Variants in SULT1E1 observed in about 807,000 individuals in gnomAD.
SULT1E1 encodes sulfotransferase family 1E member 1, also known as sulfotransferase 1E1.
SULT1E1 carries 36 observed loss-of-function variants against 33.6 expected under a neutral mutation model. The ratio of observed to expected loss-of-function variants is 1.07; its 90% CI spans 0.82 to 1.41. The LOEUF (loss-of-function observed/expected upper bound fraction) is 1.41, where lower values mean the gene tolerates loss of function less well. SULT1E1 is among the 40% of genes most tolerant of loss of function. SULT1E1 has a pLI of 0.00. For missense variants in SULT1E1, 371 were observed against 345.7 expected (o/e 1.07, Z -0.58); for synonymous variants, 121 against 111.7 (o/e 1.08, Z -0.53).
chr4:69,847,890 A>G (rs1721014636), intron 5 of SULT1E1, 98 bp from the exon 6 acceptor site: 3 of 651,476 alleles, frequency 4.6e-6, no homozygotes, highest in African/African-American at 3.8e-5. Context: ...AAATATAAAT[A>G]GATAATCATG....
chr4:69,847,215 A>T (rs1346405946), intron 6 of SULT1E1, among the ~76,000 whole-genome samples: 1 of 149,626 alleles, frequency 6.7e-6, no homozygotes, highest in Non-Finnish European at 1.5e-5. Flanking sequence ...GTATTTGGCT[A>T]TTTTTTTTCA....
chr4:69,858,433 A>G (rs1462006633), intron 1 of SULT1E1, among the ~76,000 whole-genome samples: 1 of 152,134 alleles, frequency 6.6e-6, no homozygotes, highest in African/African-American at 2.4e-5. Context: ...TTAATTAGGC[A>G]TACTTTCTTT....
chr4:69,849,622 A>C, intron 4 of SULT1E1, 59 bp from the exon 5 acceptor site: 1 of 1,464,300 alleles, frequency 6.8e-7, no homozygotes, highest in South Asian at 1.4e-5. Flanking sequence ...AGTCTCATCA[A>C]GATTTTTTTA....
the SULT1E1 span, among the ~76,000 whole-genome samples, chr4:69,822,660 G>T: frequency 6.6e-6 from 1 of 152,132 alleles, no homozygotes; most frequent in Non-Finnish European, 1.5e-5. Flanking sequence ...TTACTACTTT[G>T]TTATGGTGTT....
At chr4:69,842,918 G>A (rs11573798) in intron 7 of SULT1E1, among the ~76,000 whole-genome samples, 2 of 150,920 alleles carry the variant, frequency 1.3e-5, no homozygotes, top group Admixed American at 1.3e-4. Flanking sequence ...CTCACTGCAA[G>A]CTCCACCTCC....
intron 4 of SULT1E1, among the ~76,000 whole-genome samples, chr4:69,853,147 T>G (rs945147077): frequency 1.3e-5 from 2 of 152,070 alleles, no homozygotes; most frequent in Non-Finnish European, 2.9e-5. Context: ...CTGGGATATA[T>G]CCCCTTTTTG....
At chr4:69,832,557 A>G in the SULT1E1 span, among the ~76,000 whole-genome samples, 1 of 152,206 alleles carries the variant, frequency 6.6e-6, no homozygotes, top group Admixed American at 6.5e-5. Context: ...AGACAAAGGC[A>G]CTTAATCAGG....
At chr4:69,830,038 CTTG>C in the SULT1E1 span, among the ~76,000 whole-genome samples, 2 of 152,292 alleles carry the variant, frequency 1.3e-5, no homozygotes, top group African/African-American at 2.4e-5. Flanking sequence ...GACCATTCTC[CTTG>C]TTATCATTCT....
chr4:69,830,534 T>C, the SULT1E1 span, among the ~76,000 whole-genome samples: 1 of 152,228 alleles, frequency 6.6e-6, no homozygotes, highest in Non-Finnish European at 1.5e-5. Context: ...TGGCTGCTTT[T>C]CTCCCACCAT....
the SULT1E1 span, among the ~76,000 whole-genome samples, chr4:69,835,786 A>G: frequency 1.3e-5 from 2 of 152,088 alleles, no homozygotes; most frequent in Non-Finnish European, 2.9e-5. Flanking sequence ...AGGATTATTT[A>G]TTTATTTATG....
chr4:69,837,776 C>T (rs1229432427), downstream of SULT1E1, among the ~76,000 whole-genome samples: 2 of 152,118 alleles, frequency 1.3e-5, no homozygotes, highest in Non-Finnish European at 2.9e-5. Context: ...AGCAGACCTC[C>T]CACCTTGACC....
At chr4:69,830,539 C>T in the SULT1E1 span, among the ~76,000 whole-genome samples, 1 of 152,204 alleles carries the variant, frequency 6.6e-6, no homozygotes, top group Non-Finnish European at 1.5e-5. Context: ...GCTTTTCTCC[C>T]ACCATTTTTT....
In SULT1E1 at chr4:69,847,741, T is replaced by A; in HGVS notation, c.548A>T (p.Lys183Met). 1 of 1,609,890 alleles carries A rather than the reference T, an allele frequency of 6.2e-7. No homozygotes were observed. Among genetic ancestry groups the A allele is most frequent in the Non-Finnish European group, 8.5e-7 (1 of 1,177,172 alleles). The change falls in exon 6 of 8, where the codon AAG becomes ATG. Residue 183 changes from lysine (K) to methionine (M), a missense_variant. By Grantham distance (95) the Lys-to-Met change is moderately conservative. Transcript: ENST00000226444. ...KHVKSWWEKG[K>M]SPRVLFLFYE... ...GAAAAGAAATAGTACACGTGGACTCTTTCCCTTTTCCCACCAAGATTTTAC... is the reference window on the plus strand; with the variant it reads ...GAAAAGAAATAGTACACGTGGACTCATTCCCTTTTCCCACCAAGATTTTAC...
At position 69,849,506 on chromosome 4, in the gene SULT1E1, G is replaced by A; in HGVS notation, c.427C>T (p.Leu143=). The change falls in exon 5 of 8, where the codon CTA becomes TTA. Residue 143 remains leucine (L), a synonymous_variant. Transcript: ENST00000226444. ...DVAVSFYYFF[L]MVAGHPNPGS... ...GGATTTGGATGACCAGCCACCATTA[G>A]AAAGAAATAATAAAAGGAAACAGCC... 1.2e-6 allele frequency: 2 copies of A among 1,611,308 alleles called. No individual in the cohort carries two copies. The highest frequency in any genetic ancestry group is 1.7e-6 in the Non-Finnish European group (2 of 1,178,150).
Position 69,849,345 on chromosome 4 carries a change from A to T in SULT1E1, c.496+92T>A, listed in dbSNP as rs996868229. ...TTTTAACTATGAATCAGGGAAGAAA[A>T]CGTACCAGAACAGTTAAAAACTTTT... On this transcript the variant is annotated intron_variant, in intron 5 of 7. Transcript: ENST00000226444. The T allele has an allele frequency of 3.4e-6, 5 of 1,452,070 alleles. No individual in the cohort carries two copies. In the African/African-American group the frequency reaches 7.2e-5, roughly 21 times the overall value. The allele number at this position is 1,452,070 out of a possible 1,614,324, so 89.9% of individuals were successfully genotyped here. A position where few individuals can be genotyped will look rare whatever the true frequency, so the allele number is the denominator to read the frequency against.
the SULT1E1 span, among the ~76,000 whole-genome samples, chr4:69,826,301 T>G: frequency 2.0e-5 from 3 of 152,074 alleles, no homozygotes; most frequent in African/African-American, 7.2e-5. Context: ...CGAGAATGTG[T>G]CGGTAAGGGC....
chr4:69,827,477 G>A, the SULT1E1 span, among the ~76,000 whole-genome samples: 3 of 152,128 alleles, frequency 2.0e-5, no homozygotes, highest in Admixed American at 6.5e-5. Context: ...ATTCAATGAT[G>A]TCTACCATAA....
chr4:69,829,663 G>A, the SULT1E1 span, among the ~76,000 whole-genome samples: 124 of 152,244 alleles, frequency 8.1e-4, no homozygotes, highest in Admixed American at 1.4e-3. Context: ...CCCAGCAAAG[G>A]AACTGGACAA....
intron 6 of SULT1E1, among the ~76,000 whole-genome samples, chr4:69,846,877 G>C (rs1720987901): frequency 1.3e-5 from 2 of 151,672 alleles, no homozygotes; most frequent in African/African-American, 4.8e-5. Context: ...AGAAAAATTA[G>C]ATTATAAGAA....
Sources: allele counts gnomAD v4.1 joint callset (sites outside exome capture counted in the v4.1 genomes callset), GRCh38; gene constraint gnomAD v4.1.1; transcripts MANE v1.5; gene names NCBI Gene and HGNC (gene_info 2026-07-23, HGNC 2026-07-21).